RLN2: variants seen among roughly 807,000 people sequenced by gnomAD.
The protein encoded by RLN2 is prorelaxin H2.
Under a neutral mutation model 7.3 loss-of-function variants are expected in RLN2, and 10 were observed. That is an observed-to-expected ratio of 1.36 (90% confidence interval 0.84 to 2.31). The LOEUF is 2.31. RLN2 is among the 30% of genes most tolerant of loss of function. The pLI is 0.00. For synonymous variants in RLN2, 103 were observed against 82.3 expected (o/e 1.25, Z -1.36); for missense variants, 298 against 217.6 (o/e 1.37, Z -2.32).
the RLN2 span, among the ~76,000 whole-genome samples, chr9:5,330,227 A>C: frequency 6.6e-6 from 1 of 152,134 alleles, no homozygotes; most frequent in Admixed American, 6.6e-5. Flanking sequence ...ACAAAGACAC[A>C]ATGTACCAGA....
chr9:5,335,639 C>T, the RLN2 span: 848,140 of 1,252,934 alleles, frequency 0.68, 288,413 homozygotes, highest in South Asian at 0.8. Flanking sequence ...GGCGTATTCA[C>T]GTCAAAGAGC....
At chr9:5,335,490 G>A in the RLN2 span, 2 of 1,613,208 alleles carry the variant, frequency 1.2e-6, no homozygotes, top group Non-Finnish European at 1.7e-6. Flanking sequence ...GGTAATGATG[G>A]TTGCCTCTCA....
At chr9:5,317,469 T>C in the RLN2 span, among the ~76,000 whole-genome samples, 1 of 147,048 alleles carries the variant, frequency 6.8e-6, no homozygotes, top group Non-Finnish European at 1.5e-5. Context: ...AAAAAATAGC[T>C]GGGCTACACT....
At chr9:5,324,893 G>A in the RLN2 span, among the ~76,000 whole-genome samples, 2 of 151,936 alleles carry the variant, frequency 1.3e-5, no homozygotes, top group Admixed American at 6.6e-5. Context: ...CAATTGCACT[G>A]CTATTCAGCC....
chr9:5,304,197 C>T (rs1816187855), intron 1 of RLN2, 173 bp downstream of exon 1: 1 of 528,528 alleles, frequency 1.9e-6, no homozygotes, highest in Non-Finnish European at 3.2e-6. Context: ...ATAAAATCAC[C>T]TGGCAAAGGA....
the RLN2 span, among the ~76,000 whole-genome samples, chr9:5,333,809 A>T: frequency 6.6e-6 from 1 of 152,034 alleles, no homozygotes; most frequent in African/African-American, 2.4e-5. Flanking sequence ...CACATCAAAA[A>T]GCTTATCCAC....
the RLN2 span, among the ~76,000 whole-genome samples, chr9:5,327,566 G>T: frequency 6.6e-6 from 1 of 152,026 alleles, no homozygotes; most frequent in Admixed American, 6.6e-5. Context: ...CTCTCAGCAC[G>T]GCATTCGAGC....
intron 1 of RLN2, among the ~76,000 whole-genome samples, chr9:5,302,591 C>T (rs58155540): frequency 0.19 from 28,966 of 151,992 alleles, 2,776 homozygotes; most frequent in African/African-American, 0.21. Flanking sequence ...TTATACTGCA[C>T]ATCAATAAAG....
upstream of RLN2, among the ~76,000 whole-genome samples, chr9:5,305,359 CCA>C (rs34733616): frequency 0.091 from 11,035 of 121,632 alleles, 517 homozygotes; most frequent in Middle Eastern, 0.16. Context: ...GGAGAACATA[CCA>C]CACACACACA....
In RLN2 at chr9:5,300,357, A is replaced by G. The variant is rs751101255; in HGVS notation, c.299T>C (p.Leu100Ser). Residue 100 changes from leucine (L) to serine (S), a missense_variant, in exon 2 of 2, where the codon TTA (leucine) becomes TCA (serine). Transcript: ENST00000381627. ...FVANLPQELKLTLSEMQPALP... is the reference protein window; with the variant it reads ...FVANLPQELKSTLSEMQPALP... ...TGCTGGCTGCATCTCAGACAGGGTT[A>G]ACTTCAGCTCCTGTGGCAAATTAGC... is the stretch of plus-strand genomic sequence containing the variant. The G allele has an allele frequency of 4.3e-6, 7 of 1,613,996 alleles. No individual in the cohort carries two copies. The highest frequency in any genetic ancestry group is 5.1e-6 in the Non-Finnish European group (6 of 1,179,892).
At chr9:5,339,310 T>C in the RLN2 span, 1 of 422,966 alleles carries the variant, frequency 2.4e-6, no homozygotes, top group Non-Finnish European at 4.0e-6. Context: ...CTGTTCTCAG[T>C]GCTTTCCCTC....
chr9:5,318,479 G>A, the RLN2 span, among the ~76,000 whole-genome samples: 1 of 151,768 alleles, frequency 6.6e-6, no homozygotes, highest in East Asian at 1.9e-4. Flanking sequence ...CCCCAATATG[G>A]TAAGTGTAAA....
the RLN2 span, among the ~76,000 whole-genome samples, chr9:5,336,124 C>A: frequency 6.6e-6 from 1 of 151,966 alleles, no homozygotes; most frequent in Non-Finnish European, 1.5e-5. Context: ...TTTCCAACAC[C>A]TGTAATCTAA....
the RLN2 span, among the ~76,000 whole-genome samples, chr9:5,321,696 A>G: frequency 4.1e-5 from 6 of 145,452 alleles, no homozygotes; most frequent in Admixed American, 7.1e-5. Context: ...GAAGGAAGCA[A>G]GCAATGGTCT....
chr9:5,326,346 C>G, the RLN2 span, among the ~76,000 whole-genome samples: 3 of 152,058 alleles, frequency 2.0e-5, no homozygotes, highest in African/African-American at 7.2e-5. Context: ...CAGTATTAAG[C>G]AGATCCAGTG....
the RLN2 span, among the ~76,000 whole-genome samples, chr9:5,321,359 G>A: frequency 7.9e-5 from 12 of 152,032 alleles, no homozygotes; most frequent in Non-Finnish European, 1.3e-4. Flanking sequence ...TTTTATTCAC[G>A]TTTTTATTCA....
At chr9:5,323,701 T>C in the RLN2 span, among the ~76,000 whole-genome samples, 1 of 152,000 alleles carries the variant, frequency 6.6e-6, no homozygotes, top group Non-Finnish European at 1.5e-5. Context: ...TGTACTAATG[T>C]CTTTAAATAT....
At chr9:5,333,497 C>A in the RLN2 span, among the ~76,000 whole-genome samples, 3 of 151,970 alleles carry the variant, frequency 2.0e-5, no homozygotes, top group Non-Finnish European at 4.4e-5. Flanking sequence ...CCTGAATAGA[C>A]AATGAGTTCT....
At chr9:5,333,204 T>C in the RLN2 span, among the ~76,000 whole-genome samples, 6 of 152,152 alleles carry the variant, frequency 3.9e-5, no homozygotes, top group Admixed American at 2.0e-4. Context: ...CATGCACTTT[T>C]CTTCACATAA....
Sources: gnomAD v4.1 joint callset for allele counts (sites outside exome capture counted in the v4.1 genomes callset) on GRCh38, gnomAD v4.1.1 for gene constraint, MANE v1.5 for transcripts, NCBI Gene and HGNC (gene_info 2026-07-23, HGNC 2026-07-21) for gene names.